RGS3: variants seen among roughly 807,000 people sequenced by gnomAD.
RGS3 encodes the protein regulator of G-protein signalling 3.
RGS3 carries 80 observed loss-of-function variants against 132.6 expected under a neutral mutation model. The observed-to-expected ratio is 0.60, with a 90% CI of 0.50 to 0.73. The LOEUF (loss-of-function observed/expected upper bound fraction) is 0.73, where lower values mean the gene tolerates loss of function less well. RGS3 is among the 30% of genes least tolerant of loss of function. The pLI is 0.00. For synonymous variants in RGS3, 598 were observed against 620.6 expected (o/e 0.96, Z 0.54); for missense variants, 1,382 against 1,530.8 (o/e 0.90, Z 1.62).
At chr9:113,519,604 C>T (rs1831840122) in intron 16 of RGS3, among the ~76,000 whole-genome samples, 1 of 151,152 alleles carries the variant, frequency 6.6e-6, no homozygotes, top group Admixed American at 6.6e-5. Flanking sequence ...ATGCTAATTG[C>T]TTCCTTGTAA....
intron 10 of RGS3, among the ~76,000 whole-genome samples, chr9:113,500,687 C>CTTT (rs56957630): frequency 1.8e-4 from 25 of 136,048 alleles, no homozygotes; most frequent in African/African-American, 6.3e-4. Flanking sequence ...AATAAATTGA[C>CTTT]TTTTTTTTTT....
chr9:113,457,152 C>T (rs75181317), upstream of RGS3, among the ~76,000 whole-genome samples: 1,794 of 152,298 alleles, frequency 0.012, 68 homozygotes, highest in East Asian at 0.12. Context: ...GATTCCCTCA[C>T]GTTCTAAGTT....
In RGS3 at chr9:113,498,024, G is replaced by T. The variant is rs964895069; in HGVS notation, c.842-1G>T. 5 of 1,613,920 alleles carry T rather than the reference G, an allele frequency of 3.1e-6. No homozygotes were observed. The highest frequency in any genetic ancestry group is 1.7e-5 in the Admixed American group (1 of 59,996). On this transcript the variant is annotated splice_acceptor_variant, in intron 9 of 24. Transcript: ENST00000350696. LOFTEE classifies it high-confidence loss of function. ...TCTGATTCTGCTCTGTCACCTTCCA[G>T]ACCCGCTGCTGAGAATGCCAGGAGG...
At chr9:113,447,917 G>C (rs1360571890) in intron 1 of RGS3, among the ~76,000 whole-genome samples, 1 of 150,976 alleles carries the variant, frequency 6.6e-6, no homozygotes, top group African/African-American at 2.4e-5. Flanking sequence ...GAGTGCAGTG[G>C]CACCATCACA....
intron 1 of RGS3, among the ~76,000 whole-genome samples, chr9:113,445,725 C>T (rs1011040523): frequency 7.9e-5 from 12 of 152,336 alleles, no homozygotes; most frequent in African/African-American, 2.9e-4. Flanking sequence ...GTTGCCCAGG[C>T]TGGAGGGCGG....
At chr9:113,561,671 C>T (rs1187846172) in intron 19 of RGS3, among the ~76,000 whole-genome samples, 1 of 151,894 alleles carries the variant, frequency 6.6e-6, no homozygotes. Flanking sequence ...ATCCTCCCAC[C>T]TCAGCCTCCC....
At chr9:113,539,385 C>T (rs1220648304) in intron 19 of RGS3, among the ~76,000 whole-genome samples, 1 of 152,216 alleles carries the variant, frequency 6.6e-6, no homozygotes, top group Non-Finnish European at 1.5e-5. Context: ...TCTCAGCTCG[C>T]TGCAGCCTCT....
At chr9:113,470,551 A>G (rs1251430645) in intron 3 of RGS3, among the ~76,000 whole-genome samples, 2 of 152,228 alleles carry the variant, frequency 1.3e-5, no homozygotes, top group Non-Finnish European at 2.9e-5. Flanking sequence ...TTTTCCTGAT[A>G]TTAACATAGC....
intron 3 of RGS3, among the ~76,000 whole-genome samples, chr9:113,464,363 G>C (rs1166756473): frequency 6.6e-6 from 1 of 152,216 alleles, no homozygotes; most frequent in Non-Finnish European, 1.5e-5. Context: ...AGTGGAGATG[G>C]GAGAATTCTC....
intron 19 of RGS3, among the ~76,000 whole-genome samples, chr9:113,542,327 A>C (rs766743646): frequency 4.6e-5 from 7 of 152,156 alleles, no homozygotes; most frequent in Non-Finnish European, 8.8e-5. Context: ...TGGGTGAGGT[A>C]GTTGATGTCT....
At chr9:113,571,938 A>G (rs1457069370) in intron 19 of RGS3, among the ~76,000 whole-genome samples, 1 of 152,196 alleles carries the variant, frequency 6.6e-6, no homozygotes, top group Non-Finnish European at 1.5e-5. Context: ...TGTATTCAAA[A>G]TCCATCCTGT....
At position 113,463,797 on chromosome 9, in the gene RGS3, G is replaced by A; in HGVS notation, c.415+1596G>A. 6.2e-7 allele frequency: 1 copy of A among 1,607,490 alleles called. No individual in the cohort carries two copies. The highest frequency in any genetic ancestry group is 8.5e-7 in the Non-Finnish European group (1 of 1,177,788). On this transcript the variant is annotated intron_variant, in intron 3 of 24. Coordinates refer to ENST00000350696, the Ensembl canonical transcript of RGS3. This position sits in a 1 kb window ranked among gnomAD's most constrained non-coding sequence, Gnocchi z 4.6. ...GACGCTCCTGTCCGGGTCGCAGTGG[G>A]ACGCCATGGAGCGCTCCCTGCACCG...
intron 19 of RGS3, among the ~76,000 whole-genome samples, chr9:113,548,475 G>A (rs1317373367): frequency 6.6e-6 from 1 of 152,226 alleles, no homozygotes; most frequent in Non-Finnish European, 1.5e-5. Flanking sequence ...CTAGGAGCAT[G>A]GCTGGAGTGG....
intron 19 of RGS3, chr9:113,564,967 G>T: frequency 9.8e-7 from 1 of 1,021,594 alleles, no homozygotes; most frequent in South Asian, 3.5e-5. Flanking sequence ...GCAGGGAGCG[G>T]CTGCCAGCAG....
intron 16 of RGS3, among the ~76,000 whole-genome samples, chr9:113,520,497 G>C (rs958475012): frequency 1.3e-5 from 2 of 151,406 alleles, no homozygotes; most frequent in African/African-American, 4.9e-5. Flanking sequence ...GTTGCTGGTG[G>C]CTCCTCCTAC....
chr9:113,485,462 T>C (rs1163449643), intron 6 of RGS3, among the ~76,000 whole-genome samples, 163 bp from the exon 5 acceptor site: 1 of 152,238 alleles, frequency 6.6e-6, no homozygotes, highest in Admixed American at 6.5e-5. Context: ...TAAACTGTTT[T>C]ATGCATGGAG....
At chr9:113,484,289 A>T (rs925062126) in intron 6 of RGS3, 57 bp downstream of exon 4, 2 of 865,830 alleles carry the variant, frequency 2.3e-6, no homozygotes, top group African/African-American at 3.4e-5. Context: ...GTTTATCTGG[A>T]AACAGCTCTG....
At chr9:113,464,391 A>G (rs1221820566) in intron 3 of RGS3, among the ~76,000 whole-genome samples, 2 of 152,134 alleles carry the variant, frequency 1.3e-5, no homozygotes, top group African/African-American at 2.4e-5. Context: ...AGAAAGAACA[A>G]TCCCTTAGGA....
chr9:113,561,925 TC>T (rs1398085830), intron 19 of RGS3, among the ~76,000 whole-genome samples: 1 of 152,098 alleles, frequency 6.6e-6, no homozygotes, highest in East Asian at 1.9e-4. Context: ...AGGAGGTGGG[TC>T]CCTGCTGAAC....
Sources: allele counts gnomAD v4.1 joint callset (sites outside exome capture counted in the v4.1 genomes callset), GRCh38; gene constraint gnomAD v4.1.1; non-coding constraint Gnocchi (gnomAD v3.1); transcripts MANE v1.5; gene names NCBI Gene and HGNC (gene_info 2026-07-23, HGNC 2026-07-21).